Variants in CRISPLD2 observed in about 807,000 individuals in gnomAD.
CRISPLD2 encodes cysteine rich secretory protein LCCL domain containing 2.
A neutral mutation model predicts 71.1 loss-of-function variants in CRISPLD2; 47 were observed. The observed-to-expected ratio is 0.66, with a 90% CI of 0.52 to 0.84. CRISPLD2 has a LOEUF of 0.84. CRISPLD2 is among the 40% of genes least tolerant of loss of function. CRISPLD2 has a pLI of 0.00. For synonymous variants in CRISPLD2, 317 were observed against 250.1 expected (o/e 1.27, Z -2.52); for missense variants, 830 against 651.1 (o/e 1.27, Z -2.99).
intron 5 of CRISPLD2, among the ~76,000 whole-genome samples, chr16:84,854,027 A>C (rs906400938): frequency 6.6e-6 from 1 of 152,074 alleles, no homozygotes; most frequent in African/African-American, 2.4e-5. Flanking sequence ...GCCCCTGGGA[A>C]CTCCGGAGGG....
At chr16:84,878,180 C>A (rs921060577) in intron 12 of CRISPLD2, among the ~76,000 whole-genome samples, 1 of 152,076 alleles carries the variant, frequency 6.6e-6, no homozygotes, top group African/African-American at 2.4e-5. Flanking sequence ...GCCGAGATCG[C>A]ACCACTGCAC....
intron 14 of CRISPLD2, among the ~76,000 whole-genome samples, chr16:84,896,659 G>A (rs2071709012): frequency 6.6e-6 from 1 of 152,116 alleles, no homozygotes; most frequent in Admixed American, 6.6e-5. Flanking sequence ...TGGAGGCGAG[G>A]TGTATTCAGT....
At chr16:84,865,403 G>A (rs947263630) in intron 6 of CRISPLD2, among the ~76,000 whole-genome samples, 3 of 152,116 alleles carry the variant, frequency 2.0e-5, no homozygotes, top group African/African-American at 4.8e-5. Context: ...CAATCCACCC[G>A]CCTCGGCTTC....
intron 2 of CRISPLD2, chr16:84,839,330 G>A (rs1916710918): frequency 4.0e-6 from 1 of 250,722 alleles, no homozygotes; most frequent in Non-Finnish European, 7.9e-6. Flanking sequence ...AGTGGGGAGG[G>A]GCCCAGGGCT....
rs1338453318 is a variant in CRISPLD2, at chr16:84,873,515, AAAC to A, written c.1112+396_1112+398del. ...AAGAAAACAACAACAACAAAAAAAAAAACAAAAAAAAAACCCACAGCTCTAACT... is the reference window on the plus strand; with the variant it reads ...AAGAAAACAACAACAACAAAAAAAAAAAAAAAAAAACCCACAGCTCTAACT... On this transcript the variant is annotated intron_variant, in intron 10 of 14. Coordinates refer to ENST00000262424, the MANE Select transcript of CRISPLD2 (RefSeq NM_031476.4). 403 of 154,158 alleles carry A rather than the reference AAAC, an allele frequency of 2.6e-3. 14 individuals are homozygous for A. The highest frequency in any genetic ancestry group is 9.4e-3 in the African/African-American group (367 of 38,966). 9.5% of individuals were successfully genotyped at this position (154,158 alleles called of 1,614,324 possible). A position where few individuals can be genotyped will look rare whatever the true frequency, so the allele number is the denominator to read the frequency against.
rs1320701492 is a variant in CRISPLD2, at chr16:84,838,548, G to C, written c.53G>C (p.Cys18Ser). 1 of 1,614,090 alleles carries C rather than the reference G, an allele frequency of 6.2e-7. No individual in the cohort carries two copies. Among genetic ancestry groups the C allele is most frequent in the Non-Finnish European group, 8.5e-7 (1 of 1,180,040 alleles). The stretch of plus-strand genomic sequence containing the variant: ...CCCTTGGGGCTGCTGTTCCTGGTCT[G>C]CGGATCCCAAGGCTACCTCCTGCCC... ...VIPLGLLFLV[C>S]GSQGYLLPNV... Residue 18 changes from cysteine (C) to serine (S), a missense_variant, in exon 2 of 15, where the codon TGC (cysteine) becomes TCC (serine). By Grantham distance (112) the Cys-to-Ser change is moderately radical. Transcript: ENST00000262424.
chr16:84,833,157 G>T (rs1260069168), intron 1 of CRISPLD2, among the ~76,000 whole-genome samples: 1 of 152,212 alleles, frequency 6.6e-6, no homozygotes, highest in Non-Finnish European at 1.5e-5. Context: ...CTCCCTGCTA[G>T]AGTCCAAATG....
intron 7 of CRISPLD2, 151 bp from the exon 8 acceptor site, chr16:84,868,700 C>T (rs928705539): frequency 3.3e-5 from 22 of 673,274 alleles, no homozygotes; most frequent in South Asian, 1.8e-4. Context: ...GAGCCCCCAG[C>T]GGAAGCCTGC....
At chr16:84,848,629 C>T (rs926940868) in intron 3 of CRISPLD2, among the ~76,000 whole-genome samples, 3 of 152,060 alleles carry the variant, frequency 2.0e-5, no homozygotes, top group East Asian at 3.9e-4. Context: ...TTAGTAGAGA[C>T]GGGGTTTCGC....
chr16:84,889,299 G>C lies in CRISPLD2; in HGVS notation c.1375G>C (p.Val459Leu). The C allele has an allele frequency of 6.2e-7, 1 of 1,614,124 alleles. No individual in the cohort carries two copies. Among genetic ancestry groups the C allele is most frequent in the Non-Finnish European group, 8.5e-7 (1 of 1,180,016 alleles). The change falls in exon 14 of 15, where the codon GTG becomes CTG. Residue 459 changes from valine (V) to leucine (L), a missense_variant. Val to Leu is a conservative substitution (Grantham distance 32). Coordinates refer to ENST00000262424, the MANE Select transcript of CRISPLD2 (RefSeq NM_031476.4). Reference protein sequence around the residue: ...ISNESGGDVDVMPVDKKKTYV... With the variant: ...ISNESGGDVDLMPVDKKKTYV... ...CAACGAGAGTGGGGGTGACGTGGAC[G>C]TGATGCCCGTGGATAAAAAGAAGAC...
In CRISPLD2 at chr16:84,868,837, C is replaced by A. The variant is rs762328714; in HGVS notation, c.854-14C>A. On this transcript the variant is annotated splice_polypyrimidine_tract_variant and intron_variant, in intron 7 of 14. Transcript: ENST00000262424. ...TTTCGTGCCGTGACATGTATTCCCG[C>A]ATTTCTCTCCTAGCCCAAGTCGTCA... 1.2e-6 allele frequency: 2 copies of A among 1,611,224 alleles called. No individual in the cohort carries two copies. Among genetic ancestry groups the A allele is most frequent in the Non-Finnish European group, 1.7e-6 (2 of 1,178,240 alleles).
chr16:84,839,243 C>T (rs140873858), intron 2 of CRISPLD2: 1 of 307,818 alleles, frequency 3.2e-6, no homozygotes, highest in African/African-American at 2.2e-5. Context: ...CTGTGCAGAG[C>T]CTGCCTCGTT....
chr16:84,885,638 GCA>G, intron 13 of CRISPLD2, among the ~76,000 whole-genome samples: 1 of 152,290 alleles, frequency 6.6e-6, no homozygotes, highest in East Asian at 1.9e-4. Flanking sequence ...AGACATGTTA[GCA>G]CAGAGTTTTT....
chr16:84,890,628 G>A (rs2071653273), intron 14 of CRISPLD2, among the ~76,000 whole-genome samples: 1 of 151,894 alleles, frequency 6.6e-6, no homozygotes, highest in Non-Finnish European at 1.5e-5. Context: ...TGGGCCGGGT[G>A]TGATGACGCA....
At chr16:84,859,869 T>C (rs1197249493) in intron 6 of CRISPLD2, among the ~76,000 whole-genome samples, 1 of 152,238 alleles carries the variant, frequency 6.6e-6, no homozygotes, top group African/African-American at 2.4e-5. Flanking sequence ...TGGGATCTAA[T>C]CATTCCCATT....
intron 13 of CRISPLD2, among the ~76,000 whole-genome samples, chr16:84,887,530 C>G (rs1310029248): frequency 6.6e-6 from 1 of 152,234 alleles, no homozygotes; most frequent in Admixed American, 6.5e-5. Context: ...CCTGGGTGAG[C>G]CTGTTGTCCA....
chr16:84,906,567 C>G (rs747416882), intron 14 of CRISPLD2, 21 bp from the exon 15 acceptor site: 1 of 1,612,030 alleles, frequency 6.2e-7, no homozygotes, highest in South Asian at 1.1e-5. Flanking sequence ...AGTAACGGGC[C>G]CTCTTTCTTC....
At chr16:84,826,335 C>G (rs1015099622) in intron 1 of CRISPLD2, among the ~76,000 whole-genome samples, 1 of 152,258 alleles carries the variant, frequency 6.6e-6, no homozygotes, top group Admixed American at 6.5e-5. Flanking sequence ...ACACTCAGCC[C>G]TTTGGCACTT....
At chr16:84,906,471 T>C in intron 14 of CRISPLD2, 117 bp from the exon 15 acceptor site, 1 of 1,001,350 alleles carries the variant, frequency 1.0e-6, no homozygotes, top group South Asian at 1.4e-5. Context: ...CCCTTGGCCA[T>C]GGCTCTTCCA....
Sources: allele counts gnomAD v4.1 joint callset (sites outside exome capture counted in the v4.1 genomes callset), GRCh38; gene constraint gnomAD v4.1.1; transcripts MANE v1.5; gene names NCBI Gene and HGNC (gene_info 2026-07-23, HGNC 2026-07-21).